LPCAT1: variants seen among roughly 807,000 people sequenced by gnomAD.
The protein encoded by LPCAT1 is 1-acylglycerol-3-phosphate O-acyltransferase.
Under a neutral mutation model 60.9 loss-of-function variants are expected in LPCAT1, and 23 were observed. That is an observed-to-expected ratio of 0.38 (90% CI 0.27 to 0.53). The LOEUF (loss-of-function observed/expected upper bound fraction) is 0.53. Ranked by LOEUF, LPCAT1 falls within the 20% of genes least tolerant of loss-of-function variation. The pLI is 0.82. For missense variants in LPCAT1, 622 were observed against 723.6 expected (o/e 0.86, Z 1.61); for synonymous variants, 340 against 301.1 (o/e 1.13, Z -1.34).
chr5:1,461,727 T>C lies in LPCAT1; in HGVS notation c.*1924A>G, dbSNP rs1734101725. On this transcript the variant is annotated 3_prime_UTR_variant, in exon 14 of 14. Coordinates refer to ENST00000283415, the MANE Select transcript of LPCAT1 (RefSeq NM_024830.5). ...CCATTCAAAGTCTGTTTATCAGAGATTTTTTTTTCTGAAAATGCACAGTGG... is the reference window on the plus strand; with the variant it reads ...CCATTCAAAGTCTGTTTATCAGAGACTTTTTTTTCTGAAAATGCACAGTGG... The C allele has an allele frequency of 6.6e-6, 1 of 152,154 alleles. No individual in the cohort carries two copies. Among genetic ancestry groups the C allele is most frequent in the South Asian group, 2.1e-4 (1 of 4,816 alleles). 9.4% of individuals were successfully genotyped at this position (152,154 alleles called of 1,614,324 possible). A position where few individuals can be genotyped will look rare whatever the true frequency, so the allele number is the denominator to read the frequency against.
At chr5:1,510,509 C>T in intron 1 of LPCAT1, among the ~76,000 whole-genome samples, 1 of 152,220 alleles carries the variant, frequency 6.6e-6, no homozygotes, top group South Asian at 2.1e-4. Context: ...TTCTCCTAGA[C>T]CACTCCATTT....
intron 12 of LPCAT1, among the ~76,000 whole-genome samples, chr5:1,467,633 C>T (rs570378211): frequency 6.6e-6 from 1 of 152,296 alleles, no homozygotes; most frequent in East Asian, 1.9e-4. Flanking sequence ...TGATCAGGGC[C>T]CGCCCATCCC....
At chr5:1,497,319 C>T (rs1444029549) in intron 2 of LPCAT1, among the ~76,000 whole-genome samples, 1 of 152,250 alleles carries the variant, frequency 6.6e-6, no homozygotes, top group African/African-American at 2.4e-5. Context: ...TCTCCTCAAG[C>T]CAGCTGGCAT....
intron 4 of LPCAT1, 137 bp from the exon 5 acceptor site, chr5:1,488,588 A>T: frequency 1.7e-6 from 1 of 592,796 alleles, no homozygotes; most frequent in Non-Finnish European, 3.0e-6. Context: ...TCAGTACGTA[A>T]ATTATTAAAA....
intron 1 of LPCAT1, among the ~76,000 whole-genome samples, chr5:1,513,036 TAG>T (rs1736403403): frequency 6.6e-6 from 1 of 151,154 alleles, no homozygotes; most frequent in South Asian, 2.1e-4. Flanking sequence ...AAATCAGGAG[TAG>T]AGAGTGCAGA....
At chr5:1,464,665 A>ACG (rs1263977727) in intron 13 of LPCAT1, among the ~76,000 whole-genome samples, 2 of 148,308 alleles carry the variant, frequency 1.3e-5, no homozygotes, top group Non-Finnish European at 3.0e-5. Context: ...ACACAAAAGC[A>ACG]CGCACACACA....
In LPCAT1 at chr5:1,462,028, G is replaced by A. The variant is rs762071356; in HGVS notation, c.*1623C>T. ...TGTCTGTCCTGCTGGCAGTGTCCAT[G>A]CTAAAAAACAAGTCGAGGTGATTGA... On this transcript the variant is annotated 3_prime_UTR_variant, in exon 14 of 14. Transcript: ENST00000283415. The A allele has an allele frequency of 1.3e-5, 2 of 152,458 alleles. No homozygotes were observed. The highest frequency in any genetic ancestry group is 2.4e-5 in the African/African-American group (1 of 41,460). The allele number at this position is 152,458 out of a possible 1,614,324, so 9.4% of individuals were successfully genotyped here.
chr5:1,494,685 G>A lies in LPCAT1; in HGVS notation c.493+15C>T, dbSNP rs746677987. The stretch of plus-strand genomic sequence containing the variant: ...GGGCAGGGTCCCTCACTCCCAGCAG[G>A]GGTGTCTCACTCACTTCCCCAGATC... On this transcript the variant is annotated intron_variant, in intron 3 of 13. Transcript: ENST00000283415. 1.2e-6 allele frequency: 2 copies of A among 1,611,648 alleles called. No individual in the cohort carries two copies. Among genetic ancestry groups the A allele is most frequent in the African/African-American group, 1.3e-5 (1 of 75,004 alleles).
At chr5:1,479,738 C>T in intron 7 of LPCAT1, 63 bp from the exon 8 acceptor site, 1 of 1,300,352 alleles carries the variant, frequency 7.7e-7, no homozygotes, top group Non-Finnish European at 1.1e-6. Context: ...TAAATTACTC[C>T]CAATTCTGGG....
chr5:1,477,341 C>G lies in LPCAT1; in HGVS notation c.899+63G>C. 7.5e-7 allele frequency: 1 copy of G among 1,340,920 alleles called. No homozygotes were observed. The highest frequency in any genetic ancestry group is 1.1e-6 in the Non-Finnish European group (1 of 945,404). The allele number at this position is 1,340,920 out of a possible 1,614,324, so 83.1% of individuals were successfully genotyped here. On this transcript the variant is annotated intron_variant, in intron 9 of 13. Coordinates refer to ENST00000283415, the MANE Select transcript of LPCAT1 (RefSeq NM_024830.5). This position sits in a 1 kb window ranked among gnomAD's most constrained non-coding sequence, Gnocchi z 6.0. ...AACGCTGTTGCCTATTTTAAATATA[C>G]AGAGAGCAGCACTCTGGGAGACACC...
At chr5:1,506,805 G>A (rs999321468) in intron 1 of LPCAT1, among the ~76,000 whole-genome samples, 20 of 152,206 alleles carry the variant, frequency 1.3e-4, no homozygotes, top group Admixed American at 2.6e-4. Context: ...TCCTCCCCAC[G>A]GCAGCTTTGC....
At chr5:1,464,742 A>ATGTGT (rs1734264422) in intron 13 of LPCAT1, among the ~76,000 whole-genome samples, 1 of 136,648 alleles carries the variant, frequency 7.3e-6, no homozygotes, top group South Asian at 2.3e-4. Context: ...GCACGCAGAC[A>ATGTGT]CACACACACA....
chr5:1,475,275 AG>A (rs1328375698), intron 9 of LPCAT1, among the ~76,000 whole-genome samples: 1 of 152,212 alleles, frequency 6.6e-6, no homozygotes, highest in East Asian at 1.9e-4. Flanking sequence ...CATTTGGAAC[AG>A]GAGAGTCTCA....
At position 1,489,851 on chromosome 5, in the gene LPCAT1, G is replaced by C; in HGVS notation, c.501C>G (p.Ile167Met). The C allele has an allele frequency of 6.2e-7, 1 of 1,608,938 alleles. No individual in the cohort carries two copies. The change falls in exon 4 of 14, where the codon ATC becomes ATG. Residue 167 changes from isoleucine (I) to methionine (M), a missense_variant. Around this residue, in one of 3 missense-constraint regions of LPCAT1, gnomAD observed 209 missense variants for 325.5 expected, o/e 0.64. Coordinates refer to ENST00000283415, the MANE Select transcript of LPCAT1 (RefSeq NM_024830.5). ...ACACGAACACAGGCCGTATATACTG[G>C]ATCAGAGCTGGAAGAGAGGAGGGGA... ...SRDIPIWGTL[I>M]QYIRPVFVSR...
At chr5:1,506,044 G>T (rs894676724) in intron 1 of LPCAT1, among the ~76,000 whole-genome samples, 1 of 152,260 alleles carries the variant, frequency 6.6e-6, no homozygotes, top group Non-Finnish European at 1.5e-5. Context: ...GCAAGGAGAG[G>T]GGCCTGTGGG....
intron 2 of LPCAT1, among the ~76,000 whole-genome samples, chr5:1,501,160 A>G (rs568961950): frequency 6.6e-6 from 1 of 152,324 alleles, no homozygotes; most frequent in East Asian, 1.9e-4. Context: ...TCTGGAGCAG[A>G]GAAGGCTACG....
intron 9 of LPCAT1, 103 bp from the exon 10 acceptor site, chr5:1,474,788 G>T: frequency 1.4e-6 from 2 of 1,427,442 alleles, no homozygotes; most frequent in South Asian, 1.4e-5. Context: ...GAGGGCTGAG[G>T]AGAGGCAGTG....
chr5:1,504,127 T>C (rs1268226877), intron 1 of LPCAT1, among the ~76,000 whole-genome samples: 1 of 152,272 alleles, frequency 6.6e-6, no homozygotes, highest in Non-Finnish European at 1.5e-5. Context: ...CACTTTGTTA[T>C]TTTCAGAAAT....
chr5:1,517,239 G>A (rs1736532139), intron 1 of LPCAT1, among the ~76,000 whole-genome samples: 1 of 152,150 alleles, frequency 6.6e-6, no homozygotes, highest in African/African-American at 2.4e-5. Context: ...TGGCCATCCT[G>A]AGAACCATAG....
Sources: allele counts gnomAD v4.1 joint callset (sites outside exome capture counted in the v4.1 genomes callset), GRCh38; gene constraint gnomAD v4.1.1; regional missense constraint gnomAD v4.1.1; non-coding constraint Gnocchi (gnomAD v3.1); transcripts MANE v1.5; gene names NCBI Gene and HGNC (gene_info 2026-07-23, HGNC 2026-07-21).